Variants in ANKRD11 observed in about 807,000 individuals in gnomAD.
The protein encoded by ANKRD11 is ankyrin repeat domain-containing protein 11.
ANKRD11 carries 17 observed loss-of-function variants against 195.7 expected under a neutral mutation model. The ratio of observed to expected loss-of-function variants is 0.09; its 90% confidence interval spans 0.06 to 0.13. ANKRD11 has a LOEUF of 0.13. ANKRD11 is among the 10% of genes least tolerant of loss of function. ANKRD11 has a pLI of 1.00. For synonymous variants in ANKRD11, 1,953 were observed against 1,528.1 expected, an observed-to-expected ratio of 1.28 and a Z score of -6.49; for missense variants, 3,735 against 3,566.1, an observed-to-expected ratio of 1.05 and a Z score of -1.21.
rs192674356 is a variant in ANKRD11, at chr16:89,279,060, C to G, written c.7470+12G>C. On this transcript the variant is annotated intron_variant, in intron 9 of 12. Transcript: ENST00000301030. This position sits in a 1 kb window ranked among gnomAD's most constrained non-coding sequence, Gnocchi z 5.6. ...GAGAGAAGGCAGTGGCTCTCCCGGG[C>G]CCCGCACTCACCACGGGGATGTGGA... 6 of 1,613,524 alleles carry G rather than the reference C, an allele frequency of 3.7e-6. No individual in the cohort carries two copies. The highest frequency in any genetic ancestry group is 5.1e-6 in the Non-Finnish European group (6 of 1,179,818).
rs199914958 is a variant in ANKRD11, at chr16:89,280,769, G to T, written c.5773C>A (p.Pro1925Thr). 3.7e-4 allele frequency: 604 copies of T among 1,612,066 alleles called. No individual in the cohort carries two copies. The highest frequency in any genetic ancestry group is 4.9e-4 in the Non-Finnish European group (580 of 1,178,790). ...GGCTCCAGGTAGCTGGGCTCCGGGG[G>T]GATGATGGCGGCCGTCGCCTGCTGG... ...EDQQATAAII[P>T]PEPSYLEPLD... The change falls in exon 9 of 13, where the codon CCC (proline) becomes ACC (threonine). Residue 1925 changes from proline (P) to threonine (T), a missense_variant. Pro to Thr is a conservative substitution (Grantham distance 38, BLOSUM62 -1). Transcript: ENST00000301030.
intron 2 of ANKRD11, among the ~76,000 whole-genome samples, chr16:89,403,125 C>T (rs1030999334): frequency 2.6e-5 from 4 of 152,198 alleles, no homozygotes; most frequent in African/African-American, 9.7e-5. Flanking sequence ...CTCAGCGTGA[C>T]GTGCCCTCGT....
chr16:89,439,496 G>T (rs1388805199), intron 1 of ANKRD11, among the ~76,000 whole-genome samples: 4 of 152,130 alleles, frequency 2.6e-5, no homozygotes, highest in Non-Finnish European at 1.5e-5. Flanking sequence ...GAAAAAACAA[G>T]TGTCAAAGTT....
intron 2 of ANKRD11, among the ~76,000 whole-genome samples, chr16:89,375,499 GC>G (rs2040383882): frequency 1.3e-5 from 2 of 151,336 alleles, no homozygotes; most frequent in African/African-American, 4.9e-5. Context: ...CACTCTTGTC[GC>G]CCGGGCTGGA....
intron 4 of ANKRD11, among the ~76,000 whole-genome samples, chr16:89,292,573 G>A (rs184182816): frequency 0.015 from 2,086 of 142,390 alleles, 21 homozygotes; most frequent in Middle Eastern, 0.031. Flanking sequence ...AAGCCTGCAG[G>A]AAGGCACACA....
Position 89,409,569 on chromosome 16 carries a change from G to A in ANKRD11, c.-60+8715C>T, listed in dbSNP as rs570573638. Among the ~76,000 whole-genome samples, 6 of 152,170 alleles carry A rather than the reference G, an allele frequency of 3.9e-5. No homozygotes were observed. The East Asian group carries it at 5.8e-4, about 15-fold the overall frequency. ...CGACTCACGCCTGTAATCACACAGC[G>A]TTGGGAGGCAGAGGAGGAAGGACTG... On this transcript the variant is annotated intron_variant, in intron 2 of 12. Coordinates refer to ENST00000301030, the MANE Select transcript of ANKRD11 (RefSeq NM_013275.6).
intron 1 of ANKRD11, among the ~76,000 whole-genome samples, chr16:89,471,274 C>A (rs1156292810): frequency 6.6e-6 from 1 of 152,140 alleles, no homozygotes; most frequent in African/African-American, 2.4e-5. Flanking sequence ...CTAGCGATTT[C>A]CAAATCACAG....
intron 2 of ANKRD11, among the ~76,000 whole-genome samples, chr16:89,367,173 G>T (rs1212926091): frequency 6.6e-6 from 1 of 152,178 alleles, no homozygotes; most frequent in African/African-American, 2.4e-5. Context: ...ACCTCAGGGG[G>T]ACAGTCCATA....
chr16:89,422,469 G>A (rs116993111), intron 1 of ANKRD11, among the ~76,000 whole-genome samples: 260 of 152,272 alleles, frequency 1.7e-3, no homozygotes, highest in Non-Finnish European at 3.2e-3. Context: ...AGGCATCCAC[G>A]GACTGAGGCA....
At chr16:89,441,533 C>T (rs943929091) in intron 1 of ANKRD11, among the ~76,000 whole-genome samples, 9 of 152,086 alleles carry the variant, frequency 5.9e-5, no homozygotes, top group African/African-American at 7.2e-5. Context: ...TTTGGGAGGC[C>T]AAGGCGGGCG....
rs1597456030 is a variant in ANKRD11 at position 89,283,054 on chromosome 16, C to T, written c.3488G>A (p.Arg1163Lys). Residue 1163 changes from arginine (R) to lysine (K), a missense_variant, in exon 9 of 13, where the codon AGA becomes AAA. Coordinates refer to ENST00000301030, the MANE Select transcript of ANKRD11 (RefSeq NM_013275.6). The surrounding 1 kb of genome is among the most constrained non-coding windows in gnomAD (Gnocchi z 4.3). The stretch of plus-strand genomic sequence containing the variant: ...CTGCTTGTCAGAAGACTTCCTGTGT[C>T]TGTCGGAGGCATAGGCCTCCCGTCC... ...EEGREAYASD[R>K]HRKSSDKQHP... 6.2e-7 allele frequency: 1 copy of T among 1,613,942 alleles called. No individual in the cohort carries two copies. The highest frequency in any genetic ancestry group is 8.5e-7 in the Non-Finnish European group (1 of 1,180,028).
At chr16:89,397,206 G>C (rs2041476991) in intron 2 of ANKRD11, among the ~76,000 whole-genome samples, 1 of 152,164 alleles carries the variant, frequency 6.6e-6, no homozygotes, top group Non-Finnish European at 1.5e-5. Flanking sequence ...TCACAGTCCT[G>C]AGGATGAGGA....
intron 4 of ANKRD11, among the ~76,000 whole-genome samples, chr16:89,304,093 A>G (rs905370093): frequency 1.3e-5 from 2 of 152,204 alleles, no homozygotes; most frequent in Non-Finnish European, 2.9e-5. Context: ...AAGCTGGATG[A>G]CCAGGAGGAC....
chr16:89,436,942 TAA>T (rs1189588684), intron 1 of ANKRD11, among the ~76,000 whole-genome samples: 9 of 152,156 alleles, frequency 5.9e-5, no homozygotes, highest in Admixed American at 1.3e-4. Context: ...CCACATCTTT[TAA>T]AAAGAGAGAA....
At chr16:89,428,272 TC>T (rs1259982481) in intron 1 of ANKRD11, among the ~76,000 whole-genome samples, 3 of 152,018 alleles carry the variant, frequency 2.0e-5, no homozygotes, top group Non-Finnish European at 4.4e-5. Context: ...ACGCCTATAA[TC>T]CCAGCACTTT....
rs375689915 is a variant in ANKRD11 at position 89,305,216 on chromosome 16, G to T, written c.216C>A (p.Asp72Glu). The change falls in exon 4 of 13, where the codon GAC becomes GAA. Residue 72 changes from aspartate (D) to glutamate (E), a missense_variant. Coordinates refer to ENST00000301030, the MANE Select transcript of ANKRD11 (RefSeq NM_013275.6). Reference protein sequence around the residue: ...FTAGANGEQKDSDTEKQGPER... With the variant: ...FTAGANGEQKESDTEKQGPER... ...GCCGCGGGCTGGTACCTGTGTCCGA[G>T]TCCTTCTGCTCCCCATTGGCGCCCG... is the stretch of plus-strand genomic sequence containing the variant. 6.2e-7 allele frequency: 1 copy of T among 1,612,850 alleles called. No individual in the cohort carries two copies. The highest frequency in any genetic ancestry group is 1.7e-5 in the Admixed American group (1 of 60,010).
At chr16:89,446,799 C>T (rs956046637) in intron 1 of ANKRD11, among the ~76,000 whole-genome samples, 2 of 152,064 alleles carry the variant, frequency 1.3e-5, no homozygotes, top group Admixed American at 1.3e-4. Context: ...ACACAGCCTC[C>T]CACTCAAACC....
At chr16:89,444,834 C>A (rs553579345) in intron 1 of ANKRD11, among the ~76,000 whole-genome samples, 27 of 152,292 alleles carry the variant, frequency 1.8e-4, no homozygotes, top group South Asian at 1.5e-3. Flanking sequence ...AAATAAAGAT[C>A]AACTATGATG....
chr16:89,438,093 C>T (rs184445691), intron 1 of ANKRD11, among the ~76,000 whole-genome samples: 47 of 152,302 alleles, frequency 3.1e-4, no homozygotes, highest in Admixed American at 7.8e-4. Context: ...AGGAGGGCAC[C>T]GCAAGCTTGG....
Sources: allele counts gnomAD v4.1 joint callset (sites outside exome capture counted in the v4.1 genomes callset), GRCh38; gene constraint gnomAD v4.1.1; non-coding constraint Gnocchi (gnomAD v3.1); transcripts MANE v1.5; gene names NCBI Gene and HGNC (gene_info 2026-07-23, HGNC 2026-07-21).